Variants in EGFR observed in about 807,000 individuals in gnomAD.
The protein encoded by EGFR is epidermal growth factor receptor, also known as avian erythroblastic leukemia viral (v-erb-b) oncogene homolog.
In EGFR, 58 loss-of-function variants were observed where a neutral mutation model predicts 143.0. That is an observed-to-expected ratio of 0.41 (90% confidence interval 0.33 to 0.50). EGFR has a LOEUF of 0.50. EGFR is among the 20% of genes least tolerant of loss of function. EGFR has a pLI of 0.39. For synonymous variants in EGFR, 613 were observed against 594.4 expected (o/e 1.03, Z -0.45); for missense variants, 1,307 against 1,579.0 (o/e 0.83, Z 2.92).
intron 1 of EGFR, among the ~76,000 whole-genome samples, chr7:55,110,967 G>A (rs778934783): frequency 1.1e-4 from 16 of 152,162 alleles, no homozygotes; most frequent in Non-Finnish European, 1.6e-4. Context: ...TGGAGTTTTG[G>A]GGGTTTTCCA....
chr7:55,126,750 G>A (rs1021808516), intron 1 of EGFR, among the ~76,000 whole-genome samples: 4 of 152,124 alleles, frequency 2.6e-5, no homozygotes, highest in African/African-American at 9.7e-5. Flanking sequence ...TTTAAGTACT[G>A]GATATACATG....
chr7:55,161,425 G>A (rs2128942466), intron 12 of EGFR, 74 bp from the exon 13 acceptor site: 1 of 1,546,380 alleles, frequency 6.5e-7, no homozygotes, highest in Non-Finnish European at 8.7e-7. Context: ...CCCCTCCCGG[G>A]AAGGTGCCGT....
rs17289343 is a variant in EGFR, at chr7:55,095,801, C to T, written c.89-46485C>T. ...ACTCACAGAGACACACAGATACACA[C>T]AGGCACACACACAGAGAGACATACA... is the stretch of plus-strand genomic sequence containing the variant. On this transcript the variant is annotated intron_variant, in intron 1 of 27. Transcript: ENST00000275493. Among the ~76,000 whole-genome samples, 1,307 of 151,458 alleles carry T rather than the reference C, an allele frequency of 8.6e-3. 14 individuals carry two copies. Among genetic ancestry groups the T allele is most frequent in the African/African-American group, 0.03 (1,252 of 41,212 alleles).
At chr7:55,176,796 T>C (rs1786608633) in intron 19 of EGFR, among the ~76,000 whole-genome samples, 1 of 147,882 alleles carries the variant, frequency 6.8e-6, no homozygotes, top group African/African-American at 2.5e-5. Context: ...TATATAGTTA[T>C]TTAGATATAT....
chr7:55,073,219 G>A (rs1209674499), intron 1 of EGFR, among the ~76,000 whole-genome samples: 1 of 152,214 alleles, frequency 6.6e-6, no homozygotes, highest in African/African-American at 2.4e-5. Context: ...AAGGGCAGTT[G>A]GATATTGCAG....
At chr7:55,170,673 C>G (rs1009949389) in intron 15 of EGFR, 1 of 1,590,222 alleles carries the variant, frequency 6.3e-7, no homozygotes, top group African/African-American at 1.3e-5. Context: ...GCCTCTCACC[C>G]CAACTAGTAG....
intron 1 of EGFR, among the ~76,000 whole-genome samples, chr7:55,119,673 C>A (rs1463820566): frequency 1.3e-5 from 2 of 152,232 alleles, no homozygotes; most frequent in East Asian, 1.9e-4. Flanking sequence ...CGTGGCCTGG[C>A]CCCTCTGCAT....
chr7:55,156,012 C>T, intron 8 of EGFR, 66 bp downstream of exon 8: 3 of 1,083,730 alleles, frequency 2.8e-6, no homozygotes, highest in Non-Finnish European at 4.2e-6. Context: ...TCTCATGCCA[C>T]CTCCAAAGGA....
intron 1 of EGFR, among the ~76,000 whole-genome samples, chr7:55,102,439 A>T (rs896433184): frequency 6.6e-6 from 1 of 152,184 alleles, no homozygotes; most frequent in East Asian, 1.9e-4. Context: ...ACTCTGCTTT[A>T]AAAGCAGCTA....
intron 2 of EGFR, among the ~76,000 whole-genome samples, chr7:55,142,790 C>T (rs1026615330): frequency 2.0e-5 from 3 of 152,134 alleles, no homozygotes; most frequent in Admixed American, 6.6e-5. Context: ...GTAAATACTC[C>T]TACTATAGCT....
intron 1 of EGFR, among the ~76,000 whole-genome samples, chr7:55,102,158 A>T (rs989323646): frequency 6.6e-6 from 1 of 151,020 alleles, no homozygotes. Flanking sequence ...ACCCACCCCC[A>T]CTCATCACCA....
In EGFR at chr7:55,161,551, C is replaced by T. The variant is rs1785704052; in HGVS notation, c.1551C>T (p.Gly517=). 6.2e-7 allele frequency: 1 copy of T among 1,614,158 alleles called. No homozygotes were observed. Among genetic ancestry groups the T allele is most frequent in the African/African-American group, 1.3e-5 (1 of 74,956 alleles). Residue 517 remains glycine, a synonymous_variant, in exon 13 of 28, where the codon GGC becomes GGT. Transcript: ENST00000275493. ...TGTGCTCCCCCGAGGGCTGCTGGGG[C>T]CCGGAGCCCAGGGACTGCGTCTCTT... ...HALCSPEGCW[G]PEPRDCVSCR... is the part of the protein sequence containing the mutation.
chr7:55,087,898 G>A (rs753722254), intron 1 of EGFR, among the ~76,000 whole-genome samples: 1 of 152,200 alleles, frequency 6.6e-6, no homozygotes, highest in Non-Finnish European at 1.5e-5. Flanking sequence ...CCACAGAAAG[G>A]AAGTGACATG....
At chr7:55,116,011 A>G (rs530504651) in intron 1 of EGFR, among the ~76,000 whole-genome samples, 1 of 152,312 alleles carries the variant, frequency 6.6e-6, no homozygotes, top group East Asian at 1.9e-4. Context: ...AGTGTTTGTT[A>G]TCATCATACT....
intron 1 of EGFR, among the ~76,000 whole-genome samples, chr7:55,112,129 AC>A (rs1238424047): frequency 6.6e-6 from 1 of 152,230 alleles, no homozygotes; most frequent in East Asian, 1.9e-4. Context: ...AGGTCCCCCT[AC>A]AGAGGTCCCC....
intron 1 of EGFR, among the ~76,000 whole-genome samples, chr7:55,020,326 G>A (rs1044099552): frequency 6.6e-6 from 1 of 152,200 alleles, no homozygotes; most frequent in African/African-American, 2.4e-5. Context: ...GCAGCCCTTC[G>A]GTCGCGCCTG....
chr7:55,054,516 G>A (rs555300625), intron 1 of EGFR, among the ~76,000 whole-genome samples: 2 of 152,326 alleles, frequency 1.3e-5, no homozygotes, highest in South Asian at 2.1e-4. Context: ...GCGCGCCCGC[G>A]GGGCCTGGAG....
chr7:55,190,214 C>T (rs1787327080), intron 20 of EGFR, among the ~76,000 whole-genome samples: 1 of 152,082 alleles, frequency 6.6e-6, no homozygotes, highest in South Asian at 2.1e-4. Context: ...TGCTCATTTC[C>T]TCTTAAGTAG....
rs114911139 is a variant in EGFR, at chr7:55,130,139, G to A, written c.89-12147G>A. Among the ~76,000 whole-genome samples the A allele has an allele frequency of 5.1e-3, 775 of 152,256 alleles. 4 individuals carry two copies. The highest frequency in any genetic ancestry group is 0.017 in the African/African-American group (695 of 41,546). On this transcript the variant is annotated intron_variant, in intron 1 of 27. Coordinates refer to ENST00000275493, the MANE Select transcript of EGFR (RefSeq NM_005228.5). ...AGCCCTTCTCTGAGACATGGCAAGC[G>A]CTGCTTCAGGCTCATGCTTCACTAG...
Sources: allele counts gnomAD v4.1 joint callset (sites outside exome capture counted in the v4.1 genomes callset), GRCh38; gene constraint gnomAD v4.1.1; transcripts MANE v1.5; gene names NCBI Gene and HGNC (gene_info 2026-07-23, HGNC 2026-07-21).